Variants in THADA observed in about 807,000 individuals in gnomAD.
The protein encoded by THADA is THADA armadillo repeat containing.
THADA carries 213 observed loss-of-function variants against 219.8 expected under a neutral mutation model. The observed-to-expected ratio is 0.97, with a 90% CI of 0.87 to 1.09. THADA has a LOEUF of 1.09. Among genes scored for constraint, THADA ranks in the 50% least tolerant of loss-of-function variants. The pLI is 0.00. For synonymous variants in THADA, 1,018 were observed against 828.9 expected (o/e 1.23, Z -3.92); for missense variants, 2,956 against 2,311.3 (o/e 1.28, Z -5.72).
chr2:43,499,061 C>G, intron 24 of THADA, 106 bp from the exon 25 acceptor site: 6 of 1,198,554 alleles, frequency 5.0e-6, no homozygotes, highest in Non-Finnish European at 6.8e-6. Context: ...TACTGAATTA[C>G]AAGAAATGGA....
intron 36 of THADA, among the ~76,000 whole-genome samples, chr2:43,247,219 A>T (rs933874491): frequency 3.3e-5 from 5 of 152,214 alleles, no homozygotes; most frequent in Non-Finnish European, 5.9e-5. Context: ...GTTAATAGTG[A>T]AGATAATCAG....
At chr2:43,441,651 G>A (rs1680858762) in intron 26 of THADA, among the ~76,000 whole-genome samples, 1 of 152,114 alleles carries the variant, frequency 6.6e-6, no homozygotes, top group Non-Finnish European at 1.5e-5. Flanking sequence ...AGTTTTCATG[G>A]TTGTACTGAG....
At chr2:43,278,999 T>C (rs1245186907) in intron 36 of THADA, among the ~76,000 whole-genome samples, 1 of 152,158 alleles carries the variant, frequency 6.6e-6, no homozygotes, top group Admixed American at 6.5e-5. Context: ...GCACAGAGAA[T>C]CCGAGTCTGC....
chr2:43,503,101 T>C (rs1358297471), intron 24 of THADA, among the ~76,000 whole-genome samples: 2 of 152,188 alleles, frequency 1.3e-5, no homozygotes, highest in African/African-American at 4.8e-5. Context: ...CAATGGAAAC[T>C]CTTATACTCT....
intron 12 of THADA, 76 bp downstream of exon 12, chr2:43,572,737 GT>G (rs1699431898): frequency 7.6e-7 from 1 of 1,323,296 alleles, no homozygotes; most frequent in Admixed American, 2.3e-5. Flanking sequence ...AGGATACAAT[GT>G]AGGGGCCTCT....
At chr2:43,284,276 G>C (rs1271046214) in intron 35 of THADA, among the ~76,000 whole-genome samples, 1 of 152,212 alleles carries the variant, frequency 6.6e-6, no homozygotes. Context: ...CCCACCAAAG[G>C]CCAGGAGGCC....
intron 36 of THADA, among the ~76,000 whole-genome samples, chr2:43,257,535 C>A (rs764366370): frequency 6.6e-6 from 1 of 152,222 alleles, no homozygotes; most frequent in South Asian, 2.1e-4. Flanking sequence ...TCCCTTCACT[C>A]GACCACCTCA....
intron 18 of THADA, 23 bp downstream of exon 18, chr2:43,552,181 G>A (rs767150216): frequency 1.8e-5 from 28 of 1,597,058 alleles, no homozygotes; most frequent in East Asian, 2.2e-5. Flanking sequence ...TCTGAGACAG[G>A]AGGCAGCTGT....
chr2:43,301,787 C>T (rs1053614052), intron 31 of THADA, among the ~76,000 whole-genome samples: 3 of 152,150 alleles, frequency 2.0e-5, no homozygotes, highest in Non-Finnish European at 4.4e-5. Context: ...CAGGGATTGA[C>T]GGCTACTGTT....
chr2:43,337,670 A>G (rs1666614890), intron 30 of THADA, among the ~76,000 whole-genome samples: 1 of 151,076 alleles, frequency 6.6e-6, no homozygotes, highest in African/African-American at 2.4e-5. Flanking sequence ...ACCTAAGGCA[A>G]TAACCCACAA....
intron 25 of THADA, among the ~76,000 whole-genome samples, chr2:43,489,114 C>G (rs1687283938): frequency 6.6e-6 from 1 of 152,078 alleles, no homozygotes; most frequent in South Asian, 2.1e-4. Flanking sequence ...TGTCTTTATA[C>G]TTTCTTGATT....
intron 21 of THADA, among the ~76,000 whole-genome samples, chr2:43,535,988 G>C (rs1694548487): frequency 6.6e-6 from 1 of 151,958 alleles, no homozygotes; most frequent in South Asian, 2.1e-4. Flanking sequence ...ATTTTTAATA[G>C]AGACGGGGTT....
intron 26 of THADA, among the ~76,000 whole-genome samples, chr2:43,451,245 C>T (rs1682284343): frequency 6.6e-6 from 1 of 152,162 alleles, no homozygotes; most frequent in Non-Finnish European, 1.5e-5. Context: ...AGATCCTGAA[C>T]TGCCACCACG....
chr2:43,575,713 T>C (rs112642079), intron 10 of THADA, among the ~76,000 whole-genome samples: 1 of 152,086 alleles, frequency 6.6e-6, no homozygotes, highest in African/African-American at 2.4e-5. Flanking sequence ...ATTTTTTGTA[T>C]TTTTAGTAGA....
At chr2:43,401,959 T>A (rs192711986) in intron 28 of THADA, among the ~76,000 whole-genome samples, 1 of 149,060 alleles carries the variant, frequency 6.7e-6, no homozygotes, top group Non-Finnish European at 1.5e-5. Flanking sequence ...TTAAAAAAAA[T>A]TTTAAGGATC....
At chr2:43,576,963 GCAT>G (rs1244122563) in intron 10 of THADA, 56 bp downstream of exon 10, 36 of 1,465,178 alleles carry the variant, frequency 2.5e-5, no homozygotes, top group Non-Finnish European at 2.9e-5. Flanking sequence ...CTTTTGGACT[GCAT>G]CTTCTAAATG....
At chr2:43,496,736 A>T (rs1688320943) in intron 25 of THADA, among the ~76,000 whole-genome samples, 1 of 152,154 alleles carries the variant, frequency 6.6e-6, no homozygotes, top group Non-Finnish European at 1.5e-5. Flanking sequence ...GGGAGTATAA[A>T]ATGGTGCTGC....
At chr2:43,249,923 G>A (rs1194219313) in intron 36 of THADA, among the ~76,000 whole-genome samples, 1 of 152,142 alleles carries the variant, frequency 6.6e-6, no homozygotes, top group Non-Finnish European at 1.5e-5. Flanking sequence ...TTGGGAGGTG[G>A]GGATAGGTTG....
intron 4 of THADA, among the ~76,000 whole-genome samples, chr2:43,589,187 G>A (rs1701299619): frequency 6.6e-6 from 1 of 152,070 alleles, no homozygotes; most frequent in South Asian, 2.1e-4. Flanking sequence ...GTTCATAGCA[G>A]CATTATTCAC....
Sources: gnomAD v4.1 joint callset for allele counts (sites outside exome capture counted in the v4.1 genomes callset) on GRCh38, gnomAD v4.1.1 for gene constraint, MANE v1.5 for transcripts, NCBI Gene and HGNC (gene_info 2026-07-23, HGNC 2026-07-21) for gene names.